AK4: variants seen among roughly 807,000 people sequenced by gnomAD.
The protein encoded by AK4 is adenylate kinase 4, mitochondrial.
AK4 carries 13 observed loss-of-function variants against 24.6 expected under a neutral mutation model. The ratio of observed to expected loss-of-function variants is 0.53; its 90% confidence interval spans 0.34 to 0.84. The LOEUF is 0.84. Ranked by LOEUF, AK4 falls within the 40% of genes least tolerant of loss-of-function variation. The pLI, the probability that AK4 is intolerant of heterozygous loss-of-function variation, is 0.01. For synonymous variants in AK4, 88 were observed against 107.0 expected (o/e 0.82, Z 1.10); for missense variants, 192 against 288.2 (o/e 0.67, Z 2.42).
At chr1:65,197,778 A>G (rs1293834598) in intron 2 of AK4, among the ~76,000 whole-genome samples, 1 of 152,246 alleles carries the variant, frequency 6.6e-6, no homozygotes, top group Admixed American at 6.5e-5. Context: ...ATACGAGGCT[A>G]GTACATAACA....
chr1:65,224,638 A>G, intron 3 of AK4, 114 bp from the exon 4 acceptor site: 2 of 760,168 alleles, frequency 2.6e-6, no homozygotes, highest in Non-Finnish European at 4.6e-6. Context: ...CCAAGGCCTA[A>G]TTCATCATGT....
At chr1:65,213,660 A>G (rs1271430240) in intron 2 of AK4, among the ~76,000 whole-genome samples, 5 of 152,174 alleles carry the variant, frequency 3.3e-5, no homozygotes, top group Non-Finnish European at 2.9e-5. Flanking sequence ...CATCTTATAC[A>G]TTTGACAGGG....
chr1:65,152,966 T>G (rs2100979562), intron 1 of AK4, among the ~76,000 whole-genome samples: 1 of 152,306 alleles, frequency 6.6e-6, no homozygotes, highest in East Asian at 1.9e-4. Flanking sequence ...GTTATCCTTT[T>G]TATAGATCAT....
chr1:65,201,853 A>C (rs1651672537), intron 2 of AK4, among the ~76,000 whole-genome samples: 1 of 152,180 alleles, frequency 6.6e-6, no homozygotes, highest in South Asian at 2.1e-4. Flanking sequence ...AAAGCTCTAG[A>C]GGTATGAAAC....
At chr1:65,183,417 A>AT (rs1213743059) in intron 1 of AK4, among the ~76,000 whole-genome samples, 1 of 151,862 alleles carries the variant, frequency 6.6e-6, no homozygotes, top group Non-Finnish European at 1.5e-5. Context: ...CGCCCAGCTA[A>AT]TTTTTTGTAT....
intron 2 of AK4, among the ~76,000 whole-genome samples, chr1:65,201,783 A>G (rs1006648507): frequency 2.0e-5 from 3 of 152,206 alleles, no homozygotes; most frequent in East Asian, 3.9e-4. Flanking sequence ...GCTGACACCC[A>G]GAACCATAAT....
intron 1 of AK4, among the ~76,000 whole-genome samples, chr1:65,170,775 C>T (rs1465346224): frequency 6.6e-6 from 1 of 152,126 alleles, no homozygotes; most frequent in Non-Finnish European, 1.5e-5. Flanking sequence ...AAATCTGTCA[C>T]ATGGTTAGTG....
intron 1 of AK4, among the ~76,000 whole-genome samples, chr1:65,161,438 G>A (rs1165640677): frequency 6.6e-6 from 1 of 152,108 alleles, no homozygotes; most frequent in African/African-American, 2.4e-5. Flanking sequence ...TAGAGCATGG[G>A]GGTCATAGAC....
chr1:65,211,806 T>TA (rs912728749), intron 2 of AK4, among the ~76,000 whole-genome samples: 1 of 152,170 alleles, frequency 6.6e-6, no homozygotes, highest in Non-Finnish European at 1.5e-5. Flanking sequence ...TAGAAACACT[T>TA]AAAAAATAAG....
chr1:65,225,975 T>C (rs1652442581), intron 4 of AK4, 88 bp from the exon 5 acceptor site: 3 of 1,392,354 alleles, frequency 2.2e-6, no homozygotes, highest in Admixed American at 2.0e-5. Flanking sequence ...GACCATGAGA[T>C]CATGCTTGTT....
At chr1:65,182,109 C>T (rs1274210958) in intron 1 of AK4, among the ~76,000 whole-genome samples, 1 of 151,984 alleles carries the variant, frequency 6.6e-6, no homozygotes, top group Non-Finnish European at 1.5e-5. Context: ...GAGATGGGGT[C>T]TTGTTATTAA....
chr1:65,177,869 C>G (rs1650768163), intron 1 of AK4, among the ~76,000 whole-genome samples: 1 of 151,986 alleles, frequency 6.6e-6, no homozygotes, highest in Non-Finnish European at 1.5e-5. Context: ...TAAGAGAATG[C>G]TTTGCTTAAT....
intron 1 of AK4, among the ~76,000 whole-genome samples, chr1:65,149,615 G>A (rs1258323780): frequency 6.6e-6 from 1 of 152,216 alleles, no homozygotes; most frequent in Non-Finnish European, 1.5e-5. Context: ...CTGCATTTCA[G>A]AAGCACAGAC....
chr1:65,199,345 C>T (rs1456829650), intron 2 of AK4, among the ~76,000 whole-genome samples: 1 of 151,760 alleles, frequency 6.6e-6, no homozygotes, highest in African/African-American at 2.4e-5. Context: ...GTCAGGAGTT[C>T]GAGACCAGCC....
intron 1 of AK4, among the ~76,000 whole-genome samples, chr1:65,171,457 G>A (rs1005745324): frequency 8.6e-5 from 13 of 151,656 alleles, no homozygotes; most frequent in East Asian, 3.9e-4. Flanking sequence ...ACAGGCGCCC[G>A]CCATCATGCC....
At chr1:65,167,544 A>G (rs980962795) in intron 1 of AK4, among the ~76,000 whole-genome samples, 1 of 152,122 alleles carries the variant, frequency 6.6e-6, no homozygotes, top group Non-Finnish European at 1.5e-5. Context: ...GAGCACAAAA[A>G]AAATGCAAGA....
intron 4 of AK4, 124 bp from the exon 5 acceptor site, chr1:65,225,939 T>C (rs1337263844): frequency 6.9e-6 from 7 of 1,011,612 alleles, no homozygotes; most frequent in Non-Finnish European, 1.0e-5. Flanking sequence ...GGGGCTGTTT[T>C]AGCACTTAGT....
chr1:65,199,086 CAA>C (rs34278926), intron 2 of AK4, among the ~76,000 whole-genome samples: 180 of 104,120 alleles, frequency 1.7e-3, no homozygotes, highest in East Asian at 7.2e-3. Flanking sequence ...GACTCCGCCT[CAA>C]AAAAAAAAAA....
chr1:65,182,427 T>A (rs1305690088), intron 1 of AK4, among the ~76,000 whole-genome samples: 1 of 152,154 alleles, frequency 6.6e-6, no homozygotes, highest in Non-Finnish European at 1.5e-5. Flanking sequence ...TTCTGGCATG[T>A]ACTTTTCCTT....
Sources: allele counts gnomAD v4.1 joint callset (sites outside exome capture counted in the v4.1 genomes callset), GRCh38; gene constraint gnomAD v4.1.1; transcripts MANE v1.5; gene names NCBI Gene and HGNC (gene_info 2026-07-23, HGNC 2026-07-21).